USP1: variants seen among roughly 807,000 people sequenced by gnomAD.
USP1 encodes ubiquitin specific peptidase 1.
Under a neutral mutation model 72.2 loss-of-function variants are expected in USP1, and 18 were observed. That is an observed-to-expected ratio of 0.25 (90% CI 0.17 to 0.37). The LOEUF (loss-of-function observed/expected upper bound fraction) is 0.37. USP1 is among the 10% of genes least tolerant of loss of function. The pLI is 1.00. For missense variants in USP1, 759 were observed against 884.9 expected (o/e 0.86, Z 1.81); for synonymous variants, 354 against 303.7 (o/e 1.17, Z -1.72).
intron 6 of USP1, among the ~76,000 whole-genome samples, chr1:62,446,798 CTT>C (rs1244361324): frequency 6.6e-6 from 1 of 151,798 alleles, no homozygotes; most frequent in African/African-American, 2.4e-5. Flanking sequence ...ATACAACTGA[CTT>C]TTTTTTATTT....
Position 62,437,147 on chromosome 1 carries a change from C to G in USP1, c.-323C>G. The G allele has an allele frequency of 5.0e-6, 2 of 399,126 alleles. No homozygotes were observed. Among genetic ancestry groups the G allele is most frequent in the Non-Finnish European group, 8.8e-6 (2 of 226,134 alleles). The allele number at this position is 399,126 out of a possible 1,614,324, so 24.7% of individuals were successfully genotyped here. The stretch of plus-strand genomic sequence containing the variant: ...CGCTGCTTGTTGCGCTCCTGGCTCT[C>G]CCGGGGCGGGCGCAGATGGGCGCCG... On this transcript the variant is annotated 5_prime_UTR_variant, in exon 1 of 9. Coordinates refer to ENST00000339950, the MANE Select transcript of USP1 (RefSeq NM_003368.5).
intron 6 of USP1, among the ~76,000 whole-genome samples, chr1:62,446,975 C>G (rs1268407080): frequency 6.6e-6 from 1 of 151,946 alleles, no homozygotes; most frequent in Non-Finnish European, 1.5e-5. Context: ...CCACCACACC[C>G]GGCTAATTTT....
At position 62,447,872 on chromosome 1, in the gene USP1, C is replaced by T. The variant is rs879096014; in HGVS notation, c.1420+361C>T. On this transcript the variant is annotated intron_variant, in intron 7 of 8. Coordinates refer to ENST00000339950, the MANE Select transcript of USP1 (RefSeq NM_003368.5). ...CGTGATCTCGGCTCACTGCAAGCTCCGCCTTCTGGGTTCATGCCATTCTCC... is the reference window on the plus strand; with the variant it reads ...CGTGATCTCGGCTCACTGCAAGCTCTGCCTTCTGGGTTCATGCCATTCTCC... 7.9e-5 allele frequency among the ~76,000 whole-genome samples: 12 copies of T among 152,104 alleles called. No individual in the cohort carries two copies. In the South Asian group the frequency reaches 1.0e-3, roughly 13 times the overall value.
chr1:62,437,448 G>T, intron 1 of USP1, 48 bp downstream of exon 1: 2 of 341,312 alleles, frequency 5.9e-6, no homozygotes, highest in Non-Finnish European at 5.3e-6. Context: ...GCGGGGGCAA[G>T]TTCGGCCGGC....
In USP1 at chr1:62,450,287, C is replaced by T; in HGVS notation, c.1664C>T (p.Pro555Leu). 1 of 1,614,044 alleles carries T rather than the reference C, an allele frequency of 6.2e-7. No homozygotes were observed. Among genetic ancestry groups the T allele is most frequent in the Non-Finnish European group, 8.5e-7 (1 of 1,180,004 alleles). ...GGTGGACTTTCCAAGATCAACACTC[C>T]TTTATTGACACCTCTTAAATTGTCA... ...YGGGLSKINT[P>L]LLTPLKLSLE... Residue 555 changes from proline (P) to leucine (L), a missense_variant, in exon 9 of 9, where the codon CCT becomes CTT. Physicochemically the swap from Pro to Leu is moderately conservative, Grantham distance 98. Coordinates refer to ENST00000339950, the MANE Select transcript of USP1 (RefSeq NM_003368.5).
chr1:62,440,226 G>A (rs1355071363), intron 2 of USP1, among the ~76,000 whole-genome samples, 189 bp downstream of exon 2: 1 of 152,122 alleles, frequency 6.6e-6, no homozygotes, highest in African/African-American at 2.4e-5. Context: ...GAATCACATC[G>A]ATAATGTTTA....
In USP1 at chr1:62,437,218, G is replaced by T; in HGVS notation, c.-252G>T. ...TTGGTGCAAGACGGGAGCGAGCGGC[G>T]GTCGGGGTTCCCGCTCTTGGGAGCG... On this transcript the variant is annotated 5_prime_UTR_variant, in exon 1 of 9. Coordinates refer to ENST00000339950, the MANE Select transcript of USP1 (RefSeq NM_003368.5). 2.5e-6 allele frequency: 1 copy of T among 398,480 alleles called. No individual in the cohort carries two copies. Among genetic ancestry groups the T allele is most frequent in the Non-Finnish European group, 4.4e-6 (1 of 225,878 alleles). The allele number at this position is 398,480 out of a possible 1,614,324, so 24.7% of individuals were successfully genotyped here.
At chr1:62,440,830 A>G (rs965769792) in intron 2 of USP1, among the ~76,000 whole-genome samples, 1 of 151,884 alleles carries the variant, frequency 6.6e-6, no homozygotes, top group African/African-American at 2.4e-5. Flanking sequence ...TGTTGTTGTT[A>G]AAGAAGTAAA....
At position 62,445,342 on chromosome 1, in the gene USP1, G is replaced by A; in HGVS notation, c.1162G>A (p.Asp388Asn). 1.2e-6 allele frequency: 2 copies of A among 1,612,824 alleles called. No homozygotes were observed. Among genetic ancestry groups the A allele is most frequent in the Admixed American group, 1.7e-5 (1 of 59,780 alleles). ...AGAGGACTTGGGGAAGTGTGAAAGT[G>A]ATAACACAACTAATGGTTGTGGACT... ...PEEDLGKCES[D>N]NTTNGCGLES... The change falls in exon 6 of 9, where the codon GAT becomes AAT. Residue 388 changes from aspartate (D) to asparagine (N), a missense_variant. Physicochemically the swap from Asp to Asn is conservative, Grantham distance 23. Around this residue, in one of 9 missense-constraint regions of USP1, gnomAD observed 245 missense variants for 240.7 expected, o/e 1.02. Coordinates refer to ENST00000339950, the MANE Select transcript of USP1 (RefSeq NM_003368.5).
intron 1 of USP1, among the ~76,000 whole-genome samples, chr1:62,439,170 CATT>C (rs1645114660): frequency 6.6e-6 from 1 of 152,062 alleles, no homozygotes; most frequent in Non-Finnish European, 1.5e-5. Flanking sequence ...CTGAATGAAT[CATT>C]ATAATGAAAT....
intron 1 of USP1, among the ~76,000 whole-genome samples, chr1:62,439,194 T>G (rs1360262775): frequency 2.6e-5 from 4 of 151,742 alleles, no homozygotes; most frequent in Non-Finnish European, 5.9e-5. Context: ...ATTAAGTTGT[T>G]TTTTTTTTGA....
chr1:62,439,786 C>T lies in USP1; in HGVS notation c.-69-13C>T, dbSNP rs868619257. On this transcript the variant is annotated splice_polypyrimidine_tract_variant and intron_variant, in intron 1 of 8. Transcript: ENST00000339950. ...TAACCAAAAACTAATGAAACTTTCT[C>T]TGTGATTAACAGATATAATTGGTGA... 23 of 1,209,896 alleles carry T rather than the reference C, an allele frequency of 1.9e-5. No individual in the cohort carries two copies. In the African/African-American group the frequency reaches 3.1e-4, roughly 16 times the overall value. The allele number at this position is 1,209,896 out of a possible 1,614,324, so 74.9% of individuals were successfully genotyped here.
chr1:62,447,593 G>A (rs1288434363), intron 7 of USP1, 82 bp downstream of exon 7: 8 of 1,460,304 alleles, frequency 5.5e-6, no homozygotes, highest in African/African-American at 1.4e-5. Context: ...AGTAGCTGGT[G>A]TAATTAGGGA....
chr1:62,440,104 CT>C, intron 2 of USP1, 67 bp downstream of exon 2: 1 of 1,329,016 alleles, frequency 7.5e-7, no homozygotes, highest in Non-Finnish European at 9.9e-7. Context: ...TGGTTGACAA[CT>C]CCAGTCTGAC....
At chr1:62,446,519 A>G (rs532795926) in intron 6 of USP1, among the ~76,000 whole-genome samples, 2 of 152,362 alleles carry the variant, frequency 1.3e-5, no homozygotes, top group East Asian at 1.9e-4. Context: ...TCTAAGACGT[A>G]TCTAAGCATA....
chr1:62,450,347 G>A lies in USP1; in HGVS notation c.1724G>A (p.Ser575Asn). 6.2e-7 allele frequency: 1 copy of A among 1,614,138 alleles called. No homozygotes were observed. The highest frequency in any genetic ancestry group is 1.7e-5 in the Admixed American group (1 of 60,018). The change falls in exon 9 of 9, where the codon AGC becomes AAC. Residue 575 changes from serine (S) to asparagine (N), a missense_variant. Around this residue, in one of 9 missense-constraint regions of USP1, gnomAD observed 140 missense variants for 222.8 expected, o/e 0.63. Coordinates refer to ENST00000339950, the MANE Select transcript of USP1 (RefSeq NM_003368.5). ...TGGAGCACAAAGCCAACTAACGACA[G>A]CTATGGATTATTTGCGGTTGTGATG... ...EEWSTKPTND[S>N]YGLFAVVMHS...
chr1:62,439,875 G>C lies in USP1; in HGVS notation c.8G>C (p.Gly3Ala). MP[G>A]VIPSESNGLS... Reference sequence around the variant, plus strand: ...TGGGATTTGAAGAAAAAAATGCCTGGTGTCATACCTAGTGAAAGTAATGGA... The same window carrying C: ...TGGGATTTGAAGAAAAAAATGCCTGCTGTCATACCTAGTGAAAGTAATGGA... The change falls in exon 2 of 9, where the codon GGT (glycine) becomes GCT (alanine). Residue 3 changes from glycine (G) to alanine (A), a missense_variant. Physicochemically the swap from Gly to Ala is moderately conservative, Grantham distance 60. Transcript: ENST00000339950. 6.9e-6 allele frequency: 10 copies of C among 1,444,910 alleles called. No individual in the cohort carries two copies. The highest frequency in any genetic ancestry group is 9.1e-6 in the Non-Finnish European group (10 of 1,096,318). The allele number at this position is 1,444,910 out of a possible 1,614,324, so 89.5% of individuals were successfully genotyped here. A position where few individuals can be genotyped will look rare whatever the true frequency, so the allele number is the denominator to read the frequency against.
intron 6 of USP1, among the ~76,000 whole-genome samples, chr1:62,445,652 T>C (rs1438569837): frequency 6.6e-6 from 1 of 152,108 alleles, no homozygotes; most frequent in Non-Finnish European, 1.5e-5. Flanking sequence ...GTGTGTAATG[T>C]CATTAAAGTA....
intron 2 of USP1, among the ~76,000 whole-genome samples, chr1:62,440,427 C>G (rs187325430): frequency 6.6e-6 from 1 of 151,892 alleles, no homozygotes; most frequent in African/African-American, 2.4e-5. Context: ...ACATTTTAAA[C>G]TCTAGTCATG....
Sources: allele counts gnomAD v4.1 joint callset (sites outside exome capture counted in the v4.1 genomes callset), GRCh38; gene constraint gnomAD v4.1.1; regional missense constraint gnomAD v4.1.1; transcripts MANE v1.5; gene names NCBI Gene and HGNC (gene_info 2026-07-23, HGNC 2026-07-21).